Variants in ZNHIT6 observed in about 807,000 individuals in gnomAD.
ZNHIT6 encodes the protein zinc finger HIT-type containing 6, also known as box C/D snoRNA protein 1.
In ZNHIT6, 45 loss-of-function variants were observed where a neutral mutation model predicts 57.2. The observed-to-expected ratio is 0.79, with a 90% CI of 0.62 to 1.01. ZNHIT6 has a LOEUF of 1.01. ZNHIT6 is among the 50% of genes least tolerant of loss of function. The pLI is 0.00. For synonymous variants in ZNHIT6, 188 were observed against 190.0 expected (o/e 0.99, Z 0.09); for missense variants, 528 against 567.3 (o/e 0.93, Z 0.70).
chr1:85,708,039 A>G lies in ZNHIT6; in HGVS notation c.246T>C (p.Ile82=). The G allele has an allele frequency of 6.2e-7, 1 of 1,613,910 alleles. No homozygotes were observed. The highest frequency in any genetic ancestry group is 1.1e-5 in the South Asian group (1 of 91,074). The change falls in exon 1 of 10, where the codon ATT becomes ATC. Residue 82 remains isoleucine, a synonymous_variant. Transcript: ENST00000370574. ...PMDLTVVKQE[I]IDWPGTEGRL... Reference sequence around the variant, plus strand: ...TGCCTTCTGTACCTGGCCAGTCTATAATTTCCTGCTTCACTACCGTTAGGT... The same window carrying G: ...TGCCTTCTGTACCTGGCCAGTCTATGATTTCCTGCTTCACTACCGTTAGGT...
intron 8 of ZNHIT6, among the ~76,000 whole-genome samples, chr1:85,669,350 A>G (rs982992809): frequency 6.6e-6 from 1 of 152,182 alleles, no homozygotes; most frequent in East Asian, 1.9e-4. Flanking sequence ...CGATTTTAAA[A>G]TATTTTAGAT....
At chr1:85,665,517 T>C (rs1051738550) in intron 8 of ZNHIT6, among the ~76,000 whole-genome samples, 7 of 152,178 alleles carry the variant, frequency 4.6e-5, no homozygotes, top group Non-Finnish European at 5.9e-5. Context: ...AGCATTTTTT[T>C]CTTTTTTCTT....
intron 8 of ZNHIT6, among the ~76,000 whole-genome samples, chr1:85,660,585 T>C (rs1039445058): frequency 6.6e-6 from 1 of 152,114 alleles, no homozygotes; most frequent in Non-Finnish European, 1.5e-5. Flanking sequence ...TGTTCAGAGG[T>C]ACATAAAAAT....
chr1:85,701,941 GACACAC>G (rs3059888), intron 5 of ZNHIT6, among the ~76,000 whole-genome samples: 7,171 of 150,112 alleles, frequency 0.048, 535 homozygotes, highest in African/African-American at 0.16. Flanking sequence ...ATGATATGAA[GACACAC>G]ACACACACAC....
intron 8 of ZNHIT6, among the ~76,000 whole-genome samples, chr1:85,658,659 G>T (rs1418655021): frequency 6.6e-6 from 1 of 152,040 alleles, no homozygotes; most frequent in Non-Finnish European, 1.5e-5. Context: ...ATCACCTGAG[G>T]TTGGGAGTTT....
rs1662674967 is a variant in ZNHIT6, at chr1:85,706,072, T to C, written c.915+6A>G. On this transcript the variant is annotated splice_donor_region_variant and intron_variant, in intron 4 of 9. Coordinates refer to ENST00000370574, the MANE Select transcript of ZNHIT6 (RefSeq NM_017953.4). Reference sequence around the variant, plus strand: ...CTAACTGGAAGAAATTAGGAAAAAATCTTACATATTTATTGCTTATTGGTC... The same window carrying C: ...CTAACTGGAAGAAATTAGGAAAAAACCTTACATATTTATTGCTTATTGGTC... 1 of 1,599,058 alleles carries C rather than the reference T, an allele frequency of 6.3e-7. No individual in the cohort carries two copies. Among genetic ancestry groups the C allele is most frequent in the Non-Finnish European group, 8.5e-7 (1 of 1,174,114 alleles).
chr1:85,654,445 A>AT lies in ZNHIT6; in HGVS notation c.1373-348dup, dbSNP rs770747839. Among the ~76,000 whole-genome samples, 20 of 151,900 alleles carry AT rather than the reference A, an allele frequency of 1.3e-4. 1 individual carries two copies. The highest frequency in any genetic ancestry group is 2.4e-4 in the African/African-American group (10 of 41,462). On this transcript the variant is annotated intron_variant, in intron 9 of 9. Coordinates refer to ENST00000370574, the MANE Select transcript of ZNHIT6 (RefSeq NM_017953.4). ...GTGGTTAGAATAAATTTTTTCCATG[A>AT]TTTTTTTTTAAACTTAATTGAGGGT...
chr1:85,707,940 C>G lies in ZNHIT6; in HGVS notation c.345G>C (p.Leu115Phe). Residue 115 changes from leucine to phenylalanine, a missense_variant, in exon 1 of 10, where the codon TTG becomes TTC. Coordinates refer to ENST00000370574, the MANE Select transcript of ZNHIT6 (RefSeq NM_017953.4). ...PEVKDENAGV[L>F]EVKQETDSSL... ...TACTATCCGTCTCCTGCTTCACCTC[C>G]AATACGCCTGCGTTCTCATCCTTCA... 1 of 1,614,132 alleles carries G rather than the reference C, an allele frequency of 6.2e-7. No homozygotes were observed. Among genetic ancestry groups the G allele is most frequent in the Non-Finnish European group, 8.5e-7 (1 of 1,180,026 alleles).
At chr1:85,691,855 A>T (rs1311829907) in intron 5 of ZNHIT6, among the ~76,000 whole-genome samples, 2 of 152,114 alleles carry the variant, frequency 1.3e-5, no homozygotes, top group Non-Finnish European at 2.9e-5. Flanking sequence ...CACTAACTAC[A>T]GCCTGGGTGA....
intron 5 of ZNHIT6, 147 bp downstream of exon 5, chr1:85,702,010 C>T (rs1662545346): frequency 1.7e-6 from 1 of 590,186 alleles, no homozygotes; most frequent in Admixed American, 3.5e-5. Flanking sequence ...ACATGACATA[C>T]AATTACTACA....
chr1:85,677,207 T>A, intron 8 of ZNHIT6, 29 bp downstream of exon 8: 1 of 1,537,488 alleles, frequency 6.5e-7, no homozygotes, highest in Middle Eastern at 2.0e-4. Context: ...AAAAAATATT[T>A]AAAGAAATGG....
chr1:85,696,260 C>T (rs550189318), intron 5 of ZNHIT6, among the ~76,000 whole-genome samples: 1 of 151,934 alleles, frequency 6.6e-6, no homozygotes, highest in Admixed American at 6.6e-5. Flanking sequence ...CACCATCACA[C>T]CTAGCTAATT....
intron 4 of ZNHIT6, among the ~76,000 whole-genome samples, chr1:85,704,224 A>C (rs1455268896): frequency 6.6e-6 from 1 of 152,230 alleles, no homozygotes; most frequent in Non-Finnish European, 1.5e-5. Context: ...ACATCTAGGC[A>C]AATTGAAGAT....
At chr1:85,670,867 T>TA (rs1661537054) in intron 8 of ZNHIT6, among the ~76,000 whole-genome samples, 1 of 152,160 alleles carries the variant, frequency 6.6e-6, no homozygotes, top group Non-Finnish European at 1.5e-5. Context: ...TGCAAGGTCT[T>TA]ACGCCTGGCT....
In ZNHIT6 at chr1:85,695,712, A is replaced by C. The variant is rs533481127; in HGVS notation, c.1019+6445T>G. Among the ~76,000 whole-genome samples the C allele has an allele frequency of 2.6e-5, 4 of 152,360 alleles. No individual in the cohort carries two copies. The South Asian group carries it at 8.3e-4, about 32-fold the overall frequency. ...GTCCTTAATCAACATTAACAGCTTC[A>C]GTCCAAACTCTACTACCAGAGGGGA... On this transcript the variant is annotated intron_variant, in intron 5 of 9. Coordinates refer to ENST00000370574, the MANE Select transcript of ZNHIT6 (RefSeq NM_017953.4).
intron 5 of ZNHIT6, 50 bp downstream of exon 5, chr1:85,702,107 G>T: frequency 2.3e-6 from 3 of 1,288,528 alleles, no homozygotes; most frequent in East Asian, 2.3e-5. Context: ...CTTAAAGAAT[G>T]ATCCTGATCA....
At chr1:85,684,112 C>T (rs369256495) in intron 5 of ZNHIT6, among the ~76,000 whole-genome samples, 5 of 152,064 alleles carry the variant, frequency 3.3e-5, no homozygotes, top group East Asian at 3.9e-4. Context: ...GTCACTATAC[C>T]CTTGGCATAT....
At chr1:85,662,263 C>T (rs746360141) in intron 8 of ZNHIT6, among the ~76,000 whole-genome samples, 4 of 151,712 alleles carry the variant, frequency 2.6e-5, no homozygotes, top group Non-Finnish European at 4.4e-5. Context: ...CATGGATCAT[C>T]GCCCCTTCCA....
chr1:85,678,584 A>C (rs1300070837), intron 7 of ZNHIT6, 117 bp downstream of exon 7: 2 of 692,002 alleles, frequency 2.9e-6, no homozygotes, highest in African/African-American at 1.9e-5. Flanking sequence ...AACACCAAGA[A>C]AATGTGATAG....
Sources: gnomAD v4.1 joint callset for allele counts (sites outside exome capture counted in the v4.1 genomes callset) on GRCh38, gnomAD v4.1.1 for gene constraint, MANE v1.5 for transcripts, NCBI Gene and HGNC (gene_info 2026-07-23, HGNC 2026-07-21) for gene names.